Variants in MTMR14 observed in about 807,000 individuals in gnomAD.
MTMR14 encodes phosphatidylinositol-3,5-bisphosphate 3-phosphatase MTMR14.
MTMR14 carries 48 observed loss-of-function variants against 86.3 expected under a neutral mutation model. The ratio of observed to expected loss-of-function variants is 0.56; its 90% CI spans 0.44 to 0.71. The LOEUF (loss-of-function observed/expected upper bound fraction) is 0.71, where lower values mean the gene tolerates loss of function less well. Among genes scored for constraint, MTMR14 ranks in the 30% least tolerant of loss-of-function variants. The pLI, the probability that MTMR14 is intolerant of heterozygous loss-of-function variation, is 0.00. For synonymous variants in MTMR14, 366 were observed against 326.1 expected (o/e 1.12, Z -1.32); for missense variants, 780 against 834.6 (o/e 0.93, Z 0.81).
At chr3:9,678,145 G>A (rs2075645028) in intron 9 of MTMR14, 87 bp downstream of exon 9, 2 of 1,366,980 alleles carry the variant, frequency 1.5e-6, no homozygotes, top group Admixed American at 1.8e-5. Flanking sequence ...AGGCCCTCGT[G>A]TGTTTGCCTG....
At chr3:9,657,867 ATGAAGT>A (rs2047703977) in intron 2 of MTMR14, among the ~76,000 whole-genome samples, 1 of 152,120 alleles carries the variant, frequency 6.6e-6, no homozygotes, top group East Asian at 1.9e-4. Context: ...TCTTTTATAG[ATGAAGT>A]TGAAGCCCAG....
At chr3:9,656,286 G>A (rs1050324155) in intron 2 of MTMR14, among the ~76,000 whole-genome samples, 1 of 152,156 alleles carries the variant, frequency 6.6e-6, no homozygotes, top group Non-Finnish European at 1.5e-5. Context: ...ATAGATCACA[G>A]AAACAGTATT....
chr3:9,664,310 A>G (rs2048125343), intron 3 of MTMR14, among the ~76,000 whole-genome samples: 1 of 151,290 alleles, frequency 6.6e-6, no homozygotes, highest in African/African-American at 2.4e-5. Flanking sequence ...GAAGTCCTGT[A>G]GCAGAGAGGC....
chr3:9,659,646 G>A (rs892229140), intron 2 of MTMR14: 1 of 453,088 alleles, frequency 2.2e-6, no homozygotes, highest in Non-Finnish European at 4.4e-6. Context: ...GTTTCACCAT[G>A]TTGGCCAGGC....
intron 13 of MTMR14, among the ~76,000 whole-genome samples, chr3:9,686,321 G>A (rs2075952268): frequency 6.6e-6 from 1 of 152,278 alleles, no homozygotes; most frequent in East Asian, 1.9e-4. Flanking sequence ...GGAGCTCTGG[G>A]ACATTCTACC....
intron 18 of MTMR14, among the ~76,000 whole-genome samples, chr3:9,698,106 C>T (rs1384176582): frequency 6.6e-6 from 1 of 152,232 alleles, no homozygotes; most frequent in Non-Finnish European, 1.5e-5. Flanking sequence ...CTCAGGTGCA[C>T]CCAAAGGGAA....
At chr3:9,669,531 G>T (rs745460517) in intron 5 of MTMR14, 39 bp downstream of exon 5, 86 of 1,599,064 alleles carry the variant, frequency 5.4e-5, no homozygotes, top group Non-Finnish European at 7.2e-5. Flanking sequence ...CTTGTGTTGG[G>T]GATGGGGTGT....
At chr3:9,697,410 G>A (rs561211003) in intron 17 of MTMR14, among the ~76,000 whole-genome samples, 77 of 152,202 alleles carry the variant, frequency 5.1e-4, no homozygotes, top group African/African-American at 1.8e-3. Context: ...CACTCCCAGC[G>A]CAGGCATGCC....
At chr3:9,696,636 G>A (rs1186989382) in intron 17 of MTMR14, among the ~76,000 whole-genome samples, 1 of 152,326 alleles carries the variant, frequency 6.6e-6, no homozygotes, top group East Asian at 1.9e-4. Context: ...CACTCCAGTG[G>A]CAGCTGCTTG....
intron 10 of MTMR14, 89 bp from the exon 11 acceptor site, chr3:9,684,496 C>T (rs1006228074): frequency 7.0e-6 from 9 of 1,277,266 alleles, no homozygotes; most frequent in Middle Eastern, 1.9e-4. Flanking sequence ...GGCCTGGCTC[C>T]CTCCACCAGG....
At chr3:9,696,937 T>C (rs543894670) in intron 17 of MTMR14, among the ~76,000 whole-genome samples, 262 of 152,260 alleles carry the variant, frequency 1.7e-3, no homozygotes, top group South Asian at 4.6e-3. Flanking sequence ...GCTGGACTAC[T>C]GCCCAGGACA....
chr3:9,654,694 G>T (rs1018172307), intron 2 of MTMR14, among the ~76,000 whole-genome samples: 1 of 152,224 alleles, frequency 6.6e-6, no homozygotes, highest in African/African-American at 2.4e-5. Context: ...GAGGAGTACC[G>T]CAGCAGTCAT....
intron 13 of MTMR14, among the ~76,000 whole-genome samples, chr3:9,685,591 C>T (rs567429254): frequency 5.9e-5 from 9 of 152,304 alleles, no homozygotes; most frequent in Middle Eastern, 6.8e-3. Context: ...CTGTGCCCCT[C>T]GTCTCTGCAA....
chr3:9,677,459 A>C lies in MTMR14; in HGVS notation c.822+72A>C. 1 of 1,357,136 alleles carries C rather than the reference A, an allele frequency of 7.4e-7. No individual in the cohort carries two copies. Among genetic ancestry groups the C allele is most frequent in the Non-Finnish European group, 1.1e-6 (1 of 946,716 alleles). The allele number at this position is 1,357,136 out of a possible 1,614,324, so 84.1% of individuals were successfully genotyped here. ...AGGGAGGCCAAGGAGAACAACAAGC[A>C]GTCTTTGGGGAAAACAACAAGCAGT... On this transcript the variant is annotated intron_variant, in intron 8 of 18. Coordinates refer to ENST00000296003, the MANE Select transcript of MTMR14 (RefSeq NM_001077525.3). This position sits in a 1 kb window ranked among gnomAD's most constrained non-coding sequence, Gnocchi z 4.2.
rs563611943 is a variant in MTMR14 at position 9,702,148 on chromosome 3, C to T, written c.*175C>T. ...CAAGGCCAAAGACAGGGTTTTCCAA[C>T]CCCCAGCCTCTTGACTGGTGACCAC... On this transcript the variant is annotated 3_prime_UTR_variant, in exon 19 of 19. Transcript: ENST00000296003. 3 of 783,874 alleles carry T rather than the reference C, an allele frequency of 3.8e-6. No homozygotes were observed. The African/African-American group carries it at 5.1e-5, about 13-fold the overall frequency. 48.6% of individuals were successfully genotyped at this position (783,874 alleles called of 1,614,324 possible). A position where few individuals can be genotyped will look rare whatever the true frequency, so the allele number is the denominator to read the frequency against.
chr3:9,699,534 A>G (rs1307148204), intron 18 of MTMR14: 1 of 152,222 alleles, frequency 6.6e-6, no homozygotes, highest in Non-Finnish European at 1.5e-5. Context: ...AGAAAAACTT[A>G]AGGCCAAATC....
chr3:9,680,237 C>T (rs2075716234), intron 9 of MTMR14, among the ~76,000 whole-genome samples: 1 of 152,178 alleles, frequency 6.6e-6, no homozygotes, highest in Non-Finnish European at 1.5e-5. Flanking sequence ...CACCAGCTCC[C>T]ATCGGTTCTC....
chr3:9,677,503 C>T lies in MTMR14; in HGVS notation c.822+116C>T, dbSNP rs1043572590. 6.0e-6 allele frequency: 5 copies of T among 837,794 alleles called. No individual in the cohort carries two copies. In the African/African-American group the frequency reaches 6.7e-5, roughly 11 times the overall value. 51.9% of individuals were successfully genotyped at this position (837,794 alleles called of 1,614,324 possible). On this transcript the variant is annotated intron_variant, in intron 8 of 18. Transcript: ENST00000296003. This position sits in a 1 kb window ranked among gnomAD's most constrained non-coding sequence, Gnocchi z 4.2. ...AAGCAGTCTTTGGGGAAAATAACTC[C>T]CCTTTCCTCCCTGATTGTTTCTGTC...
At chr3:9,684,449 C>A in intron 10 of MTMR14, 136 bp from the exon 11 acceptor site, 1 of 814,538 alleles carries the variant, frequency 1.2e-6, no homozygotes, top group South Asian at 1.4e-5. Flanking sequence ...TGGAGAAGAG[C>A]CATGGGGAGG....
Sources: allele counts gnomAD v4.1 joint callset (sites outside exome capture counted in the v4.1 genomes callset), GRCh38; gene constraint gnomAD v4.1.1; non-coding constraint Gnocchi (gnomAD v3.1); transcripts MANE v1.5; gene names NCBI Gene and HGNC (gene_info 2026-07-23, HGNC 2026-07-21).